GLMN: variants seen among roughly 807,000 people sequenced by gnomAD.
GLMN encodes the protein glomulin.
A neutral mutation model predicts 87.8 loss-of-function variants in GLMN; 75 were observed. The ratio of observed to expected loss-of-function variants is 0.85; its 90% CI spans 0.71 to 1.04. The LOEUF is 1.04. GLMN is among the 50% of genes least tolerant of loss of function. The pLI, the probability that GLMN is intolerant of heterozygous loss-of-function variation, is 0.00. For missense variants in GLMN, 588 were observed against 658.8 expected, an observed-to-expected ratio of 0.89 and a Z score of 1.18; for synonymous variants, 206 against 221.6, an observed-to-expected ratio of 0.93 and a Z score of 0.63.
chr1:92,268,032 T>C (rs1271734192), intron 10 of GLMN, 30 bp from the exon 11 acceptor site: 3 of 1,399,580 alleles, frequency 2.1e-6, no homozygotes, highest in Admixed American at 1.7e-5. Flanking sequence ...CAGATACATA[T>C]ATAGTGAAGT....
rs531487242 is a variant in GLMN, at chr1:92,286,228, T to TTA, written c.735+260_735+261dup. 2.8e-3 allele frequency among the ~76,000 whole-genome samples: 419 copies of TTA among 149,974 alleles called. 3 individuals are homozygous for TTA. The highest frequency in any genetic ancestry group is 9.2e-3 in the South Asian group (44 of 4,786). ...AAGAGGAAAAAGGTAGATTACAAGA[T>TTA]TATATATATATATAAAATCTTTGAA... On this transcript the variant is annotated intron_variant, in intron 7 of 18. Transcript: ENST00000370360.
At chr1:92,311,403 C>T in the GLMN span, among the ~76,000 whole-genome samples, 1 of 152,186 alleles carries the variant, frequency 6.6e-6, no homozygotes, top group East Asian at 1.9e-4. Context: ...GAAACTTATA[C>T]TACCTTGTAG....
chr1:92,364,911 T>C, the GLMN span, among the ~76,000 whole-genome samples: 4 of 152,160 alleles, frequency 2.6e-5, no homozygotes, highest in African/African-American at 9.7e-5. Flanking sequence ...TCCCAGCTCC[T>C]ACCAGATAAT....
the GLMN span, chr1:92,307,049 C>G: frequency 6.4e-6 from 4 of 625,542 alleles, no homozygotes; most frequent in African/African-American, 1.8e-5. Flanking sequence ...GGTTCAGTAT[C>G]TTATTTCTTA....
chr1:92,257,778 TAAAACCATAAAAACCC>T (rs1208485340), intron 16 of GLMN, among the ~76,000 whole-genome samples: 11 of 152,096 alleles, frequency 7.2e-5, no homozygotes, highest in Admixed American at 2.0e-4. Flanking sequence ...ACATAAAATC[TAAAACCATAAAAACCC>T]AAAACCATAA....
At chr1:92,277,741 G>A (rs1173824267) in intron 7 of GLMN, among the ~76,000 whole-genome samples, 1 of 152,174 alleles carries the variant, frequency 6.6e-6, no homozygotes, top group Admixed American at 6.5e-5. Flanking sequence ...GCAGGGTATG[G>A]AAACTTGGTG....
the GLMN span, among the ~76,000 whole-genome samples, chr1:92,329,242 G>A: frequency 7.2e-5 from 11 of 152,120 alleles, no homozygotes; most frequent in Admixed American, 2.6e-4. Flanking sequence ...CTTTGTCTTC[G>A]GCTACCAGGG....
the GLMN span, among the ~76,000 whole-genome samples, chr1:92,312,659 A>C: frequency 6.6e-6 from 1 of 152,196 alleles, no homozygotes. Context: ...TCCACTTCTA[A>C]TTCTTATCTT....
At position 92,297,957 on chromosome 1, in the gene GLMN, T is replaced by A; in HGVS notation, c.39+4A>T. 2 of 1,351,972 alleles carry A rather than the reference T, an allele frequency of 1.5e-6. No homozygotes were observed. Among genetic ancestry groups the A allele is most frequent in the South Asian group, 1.2e-5 (1 of 85,316 alleles). 83.7% of individuals were successfully genotyped at this position (1,351,972 alleles called of 1,614,324 possible). A position where few individuals can be genotyped will look rare whatever the true frequency, so the allele number is the denominator to read the frequency against. On this transcript the variant is annotated splice_donor_region_variant and intron_variant, in intron 2 of 18. Coordinates refer to ENST00000370360, the MANE Select transcript of GLMN (RefSeq NM_053274.3). Reference sequence around the variant, plus strand: ...TATTTAATTTTACAAAAATTAATACTTACACATCTCTTTATTATAGACTGA... The same window carrying A: ...TATTTAATTTTACAAAAATTAATACATACACATCTCTTTATTATAGACTGA...
chr1:92,367,345 C>A, the GLMN span, among the ~76,000 whole-genome samples: 1 of 152,170 alleles, frequency 6.6e-6, no homozygotes, highest in African/African-American at 2.4e-5. Flanking sequence ...TCCCAGACGG[C>A]TTTTGCGTTT....
chr1:92,358,659 C>A, the GLMN span, among the ~76,000 whole-genome samples: 4 of 152,126 alleles, frequency 2.6e-5, no homozygotes, highest in African/African-American at 9.7e-5. Context: ...ACAGTCGCAG[C>A]TCACTAAAGC....
At chr1:92,286,977 A>T (rs2101021481) in intron 6 of GLMN, among the ~76,000 whole-genome samples, 1 of 152,340 alleles carries the variant, frequency 6.6e-6, no homozygotes, top group Admixed American at 6.5e-5. Context: ...ACCCAGTCTT[A>T]GGTATTCTGT....
the GLMN span, among the ~76,000 whole-genome samples, chr1:92,343,952 G>A: frequency 6.6e-6 from 1 of 152,172 alleles, no homozygotes; most frequent in African/African-American, 2.4e-5. Flanking sequence ...AGGAGGAAGA[G>A]GGCATGAAGT....
chr1:92,299,036 GCCGGAGCGTGT>G (rs1401997776), upstream of GLMN: 2 of 1,292,128 alleles, frequency 1.5e-6, no homozygotes, highest in Non-Finnish European at 2.1e-6. Context: ...GGGGCGAGAC[GCCGGAGCGTGT>G]CCCCGTCCGG....
the GLMN span, among the ~76,000 whole-genome samples, chr1:92,369,449 C>T: frequency 5.3e-5 from 8 of 152,098 alleles, no homozygotes; most frequent in East Asian, 9.6e-4. Flanking sequence ...GGACTTCAGG[C>T]GTGCACCTCC....
intron 3 of GLMN, among the ~76,000 whole-genome samples, chr1:92,295,967 A>G (rs1649998899): frequency 6.6e-6 from 1 of 152,256 alleles, no homozygotes; most frequent in African/African-American, 2.4e-5. Context: ...GAAGAGTTTA[A>G]AAAACATAAG....
At chr1:92,301,409 T>C (rs1343848984), upstream of GLMN, 12 of 778,054 alleles carry the variant, frequency 1.5e-5, no homozygotes, top group Non-Finnish European at 2.5e-5. Flanking sequence ...GTTAGTATTG[T>C]ATTTTAAAAC....
At chr1:92,300,592 A>G (rs1650768826), upstream of GLMN, among the ~76,000 whole-genome samples, 1 of 152,228 alleles carries the variant, frequency 6.6e-6, no homozygotes, top group South Asian at 2.1e-4. Context: ...TCTTTGTTAC[A>G]TCAAGTCCAG....
chr1:92,267,803 T>C, intron 11 of GLMN, 110 bp downstream of exon 11: 1 of 731,374 alleles, frequency 1.4e-6, no homozygotes, highest in Admixed American at 2.0e-5. Context: ...TACACCAGAG[T>C]TTTCAAAGGT....
Sources: allele counts gnomAD v4.1 joint callset (sites outside exome capture counted in the v4.1 genomes callset), GRCh38; gene constraint gnomAD v4.1.1; transcripts MANE v1.5; gene names NCBI Gene and HGNC (gene_info 2026-07-23, HGNC 2026-07-21).